The following SLC13A4 variants were observed in gnomAD, a reference collection of about 807,000 sequenced individuals.
The protein encoded by SLC13A4 is solute carrier family 13 member 4.
SLC13A4 carries 28 observed loss-of-function variants against 72.7 expected under a neutral mutation model. The ratio of observed to expected loss-of-function variants is 0.39; its 90% CI spans 0.29 to 0.53. SLC13A4 has a LOEUF of 0.53. Among genes scored for constraint, SLC13A4 ranks in the 20% least tolerant of loss-of-function variants. The pLI is 0.78. For missense variants in SLC13A4, 653 were observed against 788.0 expected, an observed-to-expected ratio of 0.83 and a Z score of 2.05; for synonymous variants, 312 against 325.5, an observed-to-expected ratio of 0.96 and a Z score of 0.45.
intron 9 of SLC13A4, 41 bp downstream of exon 9, chr7:135,695,327 G>A: frequency 6.2e-7 from 1 of 1,611,098 alleles, no homozygotes; most frequent in Non-Finnish European, 8.5e-7. Context: ...TGGATCAACA[G>A]GGGGGCTTCA....
intron 13 of SLC13A4, 151 bp from the exon 14 acceptor site, chr7:135,685,834 T>G: frequency 2.9e-6 from 2 of 687,412 alleles, no homozygotes. Flanking sequence ...TGTTCCTGAT[T>G]TTTATGGTTC....
chr7:135,721,270 G>C, intron 2 of SLC13A4, 125 bp downstream of exon 2: 2 of 1,122,942 alleles, frequency 1.8e-6, no homozygotes, highest in Non-Finnish European at 2.6e-6. Flanking sequence ...GTGTTAAGGG[G>C]TCATTCCAGT....
chr7:135,719,987 A>G (rs924683668), intron 2 of SLC13A4, among the ~76,000 whole-genome samples: 10 of 148,640 alleles, frequency 6.7e-5, no homozygotes, highest in Middle Eastern at 3.5e-3. Context: ...AAGAGAGAGA[A>G]AGAAAGAAAA....
In SLC13A4 at chr7:135,706,156, G is replaced by A. The variant is rs911456704; in HGVS notation, c.510C>T (p.Asn170=). Reference sequence around the variant, plus strand: ...TGGGTTCGGCCTCTTCGGTGTTGGAGTTGCCCGCCACGAGCTGCTCGTCCT... The same window carrying A: ...TGGGTTCGGCCTCTTCGGTGTTGGAATTGCCCGCCACGAGCTGCTCGTCCT... The part of the protein sequence containing the change: ...SAEDEQLVAG[N]SNTEEAEPIS... The change falls in exon 4 of 16, where the codon AAC becomes AAT. Residue 170 remains asparagine, a synonymous_variant. Coordinates refer to ENST00000682651, the MANE Select transcript of SLC13A4 (RefSeq NM_001318192.2). 6.2e-7 allele frequency: 1 copy of A among 1,606,480 alleles called. No homozygotes were observed. Among genetic ancestry groups the A allele is most frequent in the Non-Finnish European group, 8.5e-7 (1 of 1,174,022 alleles).
chr7:135,681,337 G>C lies in SLC13A4; in HGVS notation c.*226C>G. 2.4e-6 allele frequency: 1 copy of C among 424,534 alleles called. No homozygotes were observed. Among genetic ancestry groups the C allele is most frequent in the South Asian group, 9.1e-5 (1 of 11,014 alleles). 26.3% of individuals were successfully genotyped at this position (424,534 alleles called of 1,614,324 possible). ...AAACTTTAGGTTTTCTTGAGCTGTG[G>C]TGCTGAGGGCAGGAAGAAGACACTA... On this transcript the variant is annotated 3_prime_UTR_variant, in exon 16 of 16. Coordinates refer to ENST00000682651, the MANE Select transcript of SLC13A4 (RefSeq NM_001318192.2).
intron 1 of SLC13A4, among the ~76,000 whole-genome samples, chr7:135,726,872 C>T (rs1295812707): frequency 6.6e-6 from 1 of 152,216 alleles, no homozygotes; most frequent in Non-Finnish European, 1.5e-5. Flanking sequence ...TAGGCGCCTT[C>T]GGGATTAGAG....
chr7:135,706,218 T>C lies in SLC13A4; in HGVS notation c.448A>G (p.Ile150Val). ...AGCTCCTGCAGCACGGCCTCCACGATGGGCATCACCATGGCGGTGGTGGAG... is the reference window on the plus strand; with the variant it reads ...AGCTCCTGCAGCACGGCCTCCACGACGGGCATCACCATGGCGGTGGTGGAG... The part of the protein sequence containing the change: ...NTSTTAMVMP[I>V]VEAVLQELVS... Residue 150 changes from isoleucine to valine, a missense_variant, in exon 4 of 16, where the codon ATC (isoleucine) becomes GTC (valine). Transcript: ENST00000682651. 5 of 1,613,958 alleles carry C rather than the reference T, an allele frequency of 3.1e-6. No individual in the cohort carries two copies. Among genetic ancestry groups the C allele is most frequent in the Non-Finnish European group, 4.2e-6 (5 of 1,179,856 alleles).
chr7:135,683,485 C>CAA, intron 15 of SLC13A4: 3 of 984,500 alleles, frequency 3.0e-6, no homozygotes, highest in South Asian at 9.4e-5. Context: ...CCTCTCCCCC[C>CAA]CCGCTCAGCC....
chr7:135,681,448 G>T lies in SLC13A4; in HGVS notation c.*115C>A. 1 of 1,327,702 alleles carries T rather than the reference G, an allele frequency of 7.5e-7. No homozygotes were observed. Among genetic ancestry groups the T allele is most frequent in the Non-Finnish European group, 1.0e-6 (1 of 976,606 alleles). 82.2% of individuals were successfully genotyped at this position (1,327,702 alleles called of 1,614,324 possible). A position where few individuals can be genotyped will look rare whatever the true frequency, so the allele number is the denominator to read the frequency against. ...ATCTTCTGGTGGAGGGATGCCCTCC[G>T]GCGTGGGTCTGGGGTTGTGTGCTCC... On this transcript the variant is annotated 3_prime_UTR_variant, in exon 16 of 16. Coordinates refer to ENST00000682651, the MANE Select transcript of SLC13A4 (RefSeq NM_001318192.2).
At chr7:135,694,933 T>G (rs974138676) in intron 9 of SLC13A4, among the ~76,000 whole-genome samples, 2 of 152,228 alleles carry the variant, frequency 1.3e-5, no homozygotes, top group African/African-American at 4.8e-5. Flanking sequence ...TATGAGCATA[T>G]TTTATTCAGG....
chr7:135,713,504 T>C (rs1796350182), intron 2 of SLC13A4, among the ~76,000 whole-genome samples: 1 of 152,224 alleles, frequency 6.6e-6, no homozygotes, highest in Non-Finnish European at 1.5e-5. Flanking sequence ...ATAGCTAATT[T>C]AATCTGCTGT....
At chr7:135,683,790 T>G in intron 15 of SLC13A4, 1 of 985,330 alleles carries the variant, frequency 1.0e-6, no homozygotes, top group African/African-American at 1.7e-5. Context: ...TCTCAATGAA[T>G]GTCTCCACTG....
chr7:135,720,063 T>C (rs1312884541), intron 2 of SLC13A4, among the ~76,000 whole-genome samples: 7 of 152,078 alleles, frequency 4.6e-5, no homozygotes, highest in African/African-American at 7.2e-5. Flanking sequence ...AAGTGTTCAT[T>C]TGCAGTGAAG....
chr7:135,717,239 C>T (rs541759474), intron 2 of SLC13A4, among the ~76,000 whole-genome samples: 2 of 152,224 alleles, frequency 1.3e-5, no homozygotes, highest in East Asian at 3.8e-4. Context: ...GGAGCCCACT[C>T]TGACTCCTCT....
intron 2 of SLC13A4, among the ~76,000 whole-genome samples, chr7:135,714,960 G>A (rs1338928472): frequency 6.6e-6 from 1 of 151,458 alleles, no homozygotes. Flanking sequence ...GAGAGTGTGT[G>A]TGAGTGTGTA....
At chr7:135,707,101 G>A (rs1796181770) in intron 3 of SLC13A4, among the ~76,000 whole-genome samples, 1 of 152,224 alleles carries the variant, frequency 6.6e-6, no homozygotes, top group Admixed American at 6.5e-5. Flanking sequence ...TTGGCTGACA[G>A]CGACTTGACT....
At chr7:135,699,763 G>C (rs1795989252) in intron 7 of SLC13A4, among the ~76,000 whole-genome samples, 1 of 152,228 alleles carries the variant, frequency 6.6e-6, no homozygotes, top group South Asian at 2.1e-4. Flanking sequence ...CTGCTGAATT[G>C]TTGTGAAGAG....
At chr7:135,710,391 G>A (rs1287953101) in intron 2 of SLC13A4, among the ~76,000 whole-genome samples, 3 of 152,116 alleles carry the variant, frequency 2.0e-5, no homozygotes, top group Admixed American at 6.5e-5. Flanking sequence ...GCGAGACTAC[G>A]TCTCAAAAAA....
chr7:135,725,541 AG>A (rs1392470558), intron 1 of SLC13A4, among the ~76,000 whole-genome samples: 6 of 152,174 alleles, frequency 3.9e-5, no homozygotes, highest in African/African-American at 9.7e-5. Context: ...CCTAAAATGT[AG>A]CTGAGGCTTG....
Sources: gnomAD v4.1 joint callset for allele counts (sites outside exome capture counted in the v4.1 genomes callset) on GRCh38, gnomAD v4.1.1 for gene constraint, MANE v1.5 for transcripts, NCBI Gene and HGNC (gene_info 2026-07-23, HGNC 2026-07-21) for gene names.